Variants in SLC4A10 observed in about 807,000 individuals in gnomAD.
The protein encoded by SLC4A10 is sodium-driven chloride bicarbonate exchanger.
SLC4A10 carries 42 observed loss-of-function variants against 137.7 expected under a neutral mutation model. The observed-to-expected ratio is 0.30, with a 90% CI of 0.24 to 0.39. The LOEUF (loss-of-function observed/expected upper bound fraction) is 0.39, where lower values mean the gene tolerates loss of function less well. Among genes scored for constraint, SLC4A10 ranks in the 10% least tolerant of loss-of-function variants. The pLI, the probability that SLC4A10 is intolerant of heterozygous loss-of-function variation, is 1.00. For missense variants in SLC4A10, 925 were observed against 1,355.0 expected (o/e 0.68, Z 4.98); for synonymous variants, 474 against 464.1 (o/e 1.02, Z -0.27).
Position 161,935,383 on chromosome 2 carries a change from G to A in SLC4A10, c.1998-7409G>A, listed in dbSNP as rs542668999. ...TATTTGTTTTTTGTGGTTATACAAA[G>A]TTTAGGATTGCTTTTTTCTATTTTT... On this transcript the variant is annotated intron_variant, in intron 15 of 26. Coordinates refer to ENST00000446997, the MANE Select transcript of SLC4A10 (RefSeq NM_001178015.2). Among the ~76,000 whole-genome samples, 7 of 152,240 alleles carry A rather than the reference G, an allele frequency of 4.6e-5. No homozygotes were observed. The South Asian group carries it at 1.4e-3, about 32-fold the overall frequency.
intron 3 of SLC4A10, 93 bp downstream of exon 3, chr2:161,804,688 A>T: frequency 8.5e-7 from 1 of 1,171,012 alleles, no homozygotes; most frequent in South Asian, 2.6e-5. Context: ...ATACTCATAA[A>T]ATTGTTTATA....
chr2:161,625,926 C>T (rs567059246), intron 1 of SLC4A10, among the ~76,000 whole-genome samples: 2 of 151,776 alleles, frequency 1.3e-5, no homozygotes, highest in African/African-American at 2.4e-5. Flanking sequence ...TGTCAATTAC[C>T]CTGTCTGCCT....
chr2:161,865,199 T>C (rs186946214), intron 6 of SLC4A10, among the ~76,000 whole-genome samples: 3 of 152,204 alleles, frequency 2.0e-5, no homozygotes, highest in African/African-American at 7.2e-5. Context: ...CAGAATTTAT[T>C]GGAGCAATGA....
intron 1 of SLC4A10, among the ~76,000 whole-genome samples, chr2:161,701,632 A>T (rs2043126567): frequency 6.6e-6 from 1 of 151,876 alleles, no homozygotes. Context: ...GTTATTGTTG[A>T]CTATAATCTC....
At chr2:161,976,523 G>A (rs954334684) in intron 24 of SLC4A10, among the ~76,000 whole-genome samples, 2 of 152,162 alleles carry the variant, frequency 1.3e-5, no homozygotes, top group African/African-American at 4.8e-5. Context: ...AAGAGTTCTG[G>A]AAATGGATGG....
intron 21 of SLC4A10, among the ~76,000 whole-genome samples, chr2:161,963,744 GA>G (rs1458894288): frequency 2.0e-5 from 3 of 152,136 alleles, no homozygotes; most frequent in African/African-American, 7.2e-5. Context: ...AAAGAAAACA[GA>G]GAATGAGAGT....
At chr2:161,774,781 CCAAA>C (rs2052111206) in intron 2 of SLC4A10, among the ~76,000 whole-genome samples, 1 of 151,878 alleles carries the variant, frequency 6.6e-6, no homozygotes, top group Non-Finnish European at 1.5e-5. Flanking sequence ...TCTCCCTGTA[CCAAA>C]CAAATTCTGC....
At chr2:161,761,265 G>T (rs145216051) in intron 1 of SLC4A10, among the ~76,000 whole-genome samples, 1 of 152,162 alleles carries the variant, frequency 6.6e-6, no homozygotes, top group African/African-American at 2.4e-5. Flanking sequence ...GATAGGATAC[G>T]CTAGAAAGAA....
At chr2:161,913,951 A>G (rs982836065) in intron 15 of SLC4A10, among the ~76,000 whole-genome samples, 1 of 152,178 alleles carries the variant, frequency 6.6e-6, no homozygotes, top group South Asian at 2.1e-4. Flanking sequence ...TCATTCATTC[A>G]TCTCTACTCT....
chr2:161,965,645 G>A (rs766972263), intron 23 of SLC4A10, among the ~76,000 whole-genome samples: 1 of 152,124 alleles, frequency 6.6e-6, no homozygotes, highest in South Asian at 2.1e-4. Flanking sequence ...TAGGTGAAAT[G>A]TTTAGTAGGA....
At chr2:161,755,881 T>C (rs545883556) in intron 1 of SLC4A10, among the ~76,000 whole-genome samples, 1 of 151,906 alleles carries the variant, frequency 6.6e-6, no homozygotes, top group African/African-American at 2.4e-5. Context: ...GAGATTCTCC[T>C]GCCTCAGCCT....
intron 1 of SLC4A10, among the ~76,000 whole-genome samples, chr2:161,704,989 G>A (rs867450248): frequency 6.6e-6 from 1 of 151,642 alleles, no homozygotes; most frequent in Non-Finnish European, 1.5e-5. Context: ...ACTTTTTAAA[G>A]CAGTAGTATG....
At chr2:161,634,937 A>G (rs1462313569) in intron 1 of SLC4A10, among the ~76,000 whole-genome samples, 2 of 152,050 alleles carry the variant, frequency 1.3e-5, no homozygotes, top group African/African-American at 4.8e-5. Context: ...TTAAGATTCC[A>G]TATATAAGGA....
chr2:161,979,683 A>C (rs1055113172), intron 26 of SLC4A10, among the ~76,000 whole-genome samples: 1 of 152,196 alleles, frequency 6.6e-6, no homozygotes, highest in East Asian at 1.9e-4. Flanking sequence ...GCTTTAAAGC[A>C]TCATGACCAG....
intron 1 of SLC4A10, among the ~76,000 whole-genome samples, chr2:161,660,176 A>G (rs1416599101): frequency 6.6e-6 from 1 of 152,238 alleles, no homozygotes; most frequent in African/African-American, 2.4e-5. Context: ...TATGAATTAC[A>G]TCTCAATAAA....
intron 7 of SLC4A10, among the ~76,000 whole-genome samples, chr2:161,873,590 G>C (rs964541113): frequency 1.3e-4 from 20 of 150,774 alleles, no homozygotes; most frequent in Admixed American, 1.1e-3. Context: ...TGAATACTTG[G>C]TGAAAATACG....
intron 2 of SLC4A10, among the ~76,000 whole-genome samples, chr2:161,786,115 A>G (rs1436304872): frequency 1.3e-5 from 2 of 151,546 alleles, no homozygotes; most frequent in Non-Finnish European, 3.0e-5. Context: ...ATTGGGTATA[A>G]ATATATTTAG....
chr2:161,958,468 T>C lies in SLC4A10; in HGVS notation c.2794-19T>C. 6.3e-7 allele frequency: 1 copy of C among 1,597,970 alleles called. No individual in the cohort carries two copies. The highest frequency in any genetic ancestry group is 1.1e-5 in the South Asian group (1 of 89,130). On this transcript the variant is annotated intron_variant, in intron 20 of 26. Coordinates refer to ENST00000446997, the MANE Select transcript of SLC4A10 (RefSeq NM_001178015.2). ...ATTTGAAAATGATTTCTGCCTTTTC[T>C]CCAATTGTTCTTTTACAGTTTATTC... is the stretch of plus-strand genomic sequence containing the variant.
At chr2:161,734,402 C>T (rs1396410861) in intron 1 of SLC4A10, among the ~76,000 whole-genome samples, 1 of 152,092 alleles carries the variant, frequency 6.6e-6, no homozygotes, top group African/African-American at 2.4e-5. Flanking sequence ...TTTTGCATCT[C>T]TCTCATTTTT....
Sources: allele counts gnomAD v4.1 joint callset (sites outside exome capture counted in the v4.1 genomes callset), GRCh38; gene constraint gnomAD v4.1.1; transcripts MANE v1.5; gene names NCBI Gene and HGNC (gene_info 2026-07-23, HGNC 2026-07-21).